UGT1A6: variants seen among roughly 807,000 people sequenced by gnomAD.
The protein encoded by UGT1A6 is UDP glucuronosyltransferase family 1 member A6, also known as UDP-glucuronosyltransferase 1A6.
UGT1A6 carries 32 observed loss-of-function variants against 44.4 expected under a neutral mutation model. That is an observed-to-expected ratio of 0.72 (90% CI 0.54 to 0.97). The LOEUF is 0.97. Ranked by LOEUF, UGT1A6 falls within the 50% of genes least tolerant of loss-of-function variation. The probability of loss-of-function intolerance (pLI) is 0.00; values close to 1 mark genes in which losing one functional copy is unlikely to be tolerated. For missense variants in UGT1A6, 685 were observed against 661.9 expected (o/e 1.03, Z -0.38); for synonymous variants, 238 against 248.5 (o/e 0.96, Z 0.40).
In UGT1A6 at chr2:233,761,002, CAG is replaced by C. The variant is rs797046091; in HGVS notation, c.862-6025_862-6024del. On this transcript the variant is annotated intron_variant, in intron 1 of 4. Coordinates refer to ENST00000305139, the MANE Select transcript of UGT1A6 (RefSeq NM_001072.4). The stretch of plus-strand genomic sequence containing the variant: ...TGCAACCCTTGCCTCAGAATTCCTT[CAG>C]AGAGAGGTGACTGTCCAGGACCTAT... The C allele has an allele frequency of 1.5e-5, 25 of 1,614,060 alleles. No individual in the cohort carries two copies. Among genetic ancestry groups the C allele is most frequent in the Non-Finnish European group, 2.0e-5 (24 of 1,180,054 alleles).
rs1393743923 is a variant in UGT1A6, at chr2:233,745,878, T to C, written c.862-21156T>C. 2.0e-5 allele frequency among the ~76,000 whole-genome samples: 3 copies of C among 150,678 alleles called. 1 individual carries two copies. Among genetic ancestry groups the C allele is most frequent in the African/African-American group, 7.4e-5 (3 of 40,514 alleles). On this transcript the variant is annotated intron_variant, in intron 1 of 4. Transcript: ENST00000305139. ...AAGCTGCTGACCAAGGTTCCAGAAGTGTTGGTGGGGTGGCGTTTTTCAGGG... is the reference window on the plus strand; with the variant it reads ...AAGCTGCTGACCAAGGTTCCAGAAGCGTTGGTGGGGTGGCGTTTTTCAGGG...
intron 1 of UGT1A6, among the ~76,000 whole-genome samples, chr2:233,707,450 C>G (rs191535913): frequency 1.3e-5 from 2 of 151,870 alleles, no homozygotes; most frequent in East Asian, 1.9e-4. Flanking sequence ...ATTTTGCCAC[C>G]TAAATTTGCA....
intron 1 of UGT1A6, among the ~76,000 whole-genome samples, chr2:233,742,394 T>C (rs553013500): frequency 6.6e-6 from 1 of 152,130 alleles, no homozygotes; most frequent in South Asian, 2.1e-4. Flanking sequence ...GCTCATGTTA[T>C]TATTTGTAGT....
At chr2:233,754,114 G>C (rs1442882252) in intron 1 of UGT1A6, among the ~76,000 whole-genome samples, 2 of 152,128 alleles carry the variant, frequency 1.3e-5, no homozygotes, top group Non-Finnish European at 2.9e-5. Flanking sequence ...CCTACATCAC[G>C]AGCATTTATG....
intron 1 of UGT1A6, among the ~76,000 whole-genome samples, chr2:233,710,083 T>C (rs1270176651): frequency 6.6e-6 from 1 of 152,240 alleles, no homozygotes; most frequent in Non-Finnish European, 1.5e-5. Flanking sequence ...TCCTTTCACA[T>C]TGTTGCATGT....
At position 233,764,478 on chromosome 2, in the gene UGT1A6, C is replaced by T. The variant is rs370150887; in HGVS notation, c.862-2556C>T. ...TTCGTGATCTCCTGCTATTTAACTT[C>T]GAATGTTTATGGACCTGTGGGTTCA... On this transcript the variant is annotated intron_variant, in intron 1 of 4. Transcript: ENST00000305139. 3.4e-4 allele frequency among the ~76,000 whole-genome samples: 51 copies of T among 152,200 alleles called. 2 individuals are homozygous for T. Among genetic ancestry groups the T allele is most frequent in the East Asian group, 3.1e-3 (16 of 5,174 alleles).
intron 1 of UGT1A6, among the ~76,000 whole-genome samples, chr2:233,709,556 A>C (rs971239686): frequency 6.6e-6 from 1 of 152,160 alleles, no homozygotes; most frequent in Non-Finnish European, 1.5e-5. Flanking sequence ...AGTACTTATA[A>C]ATTTAAACTT....
At chr2:233,695,911 C>T (rs1009465267) in intron 1 of UGT1A6, among the ~76,000 whole-genome samples, 8 of 151,952 alleles carry the variant, frequency 5.3e-5, no homozygotes, top group African/African-American at 1.9e-4. Flanking sequence ...GGTTTTTTTT[C>T]TCCACACACC....
chr2:233,752,290 C>T (rs1244302370), intron 1 of UGT1A6: 16 of 152,170 alleles, frequency 1.1e-4, no homozygotes, highest in Admixed American at 1.0e-3. Flanking sequence ...CTCACAGGGT[C>T]ATGCCTTTCC....
chr2:233,695,392 G>A (rs1456168296), intron 1 of UGT1A6, among the ~76,000 whole-genome samples: 1 of 151,516 alleles, frequency 6.6e-6, no homozygotes, highest in African/African-American at 2.4e-5. Context: ...CCAAAGTGCT[G>A]GGATTACAGG....
intron 1 of UGT1A6, chr2:233,744,035 C>T (rs367793428): frequency 5.3e-5 from 42 of 799,694 alleles, no homozygotes; most frequent in Admixed American, 1.0e-4. Flanking sequence ...CCCCTTATGA[C>T]GCAGCCACAT....
chr2:233,745,503 T>C (rs1023645979), intron 1 of UGT1A6, among the ~76,000 whole-genome samples: 6 of 151,616 alleles, frequency 4.0e-5, no homozygotes, highest in Admixed American at 6.6e-5. Flanking sequence ...AGATTTCCTA[T>C]AGGGTATTAG....
At chr2:233,747,099 C>T (rs1382470135) in intron 1 of UGT1A6, 1 of 1,328,162 alleles carries the variant, frequency 7.5e-7, no homozygotes, top group African/African-American at 1.5e-5. Context: ...ACTCTATCTT[C>T]CAATTACATG....
intron 1 of UGT1A6, among the ~76,000 whole-genome samples, chr2:233,724,260 C>G (rs1481062069): frequency 7.7e-6 from 1 of 129,912 alleles, no homozygotes; most frequent in African/African-American, 3.0e-5. Flanking sequence ...CCTCACCTCC[C>G]GGACGGGGCG....
chr2:233,726,720 A>G (rs1047156507), intron 1 of UGT1A6, among the ~76,000 whole-genome samples: 16 of 152,220 alleles, frequency 1.1e-4, no homozygotes, highest in African/African-American at 3.4e-4. Context: ...AGGAAGTACA[A>G]TGTAGATACT....
intron 1 of UGT1A6, among the ~76,000 whole-genome samples, chr2:233,716,088 T>C (rs2076485865): frequency 6.6e-6 from 1 of 152,258 alleles, no homozygotes; most frequent in Non-Finnish European, 1.5e-5. Flanking sequence ...TGTAAGCTCA[T>C]TCCTTTAACA....
chr2:233,759,820 G>A (rs554010923), intron 1 of UGT1A6, among the ~76,000 whole-genome samples: 9 of 152,316 alleles, frequency 5.9e-5, no homozygotes, highest in East Asian at 1.9e-4. Context: ...AGTACCGGGG[G>A]AGCTGTGGAG....
At chr2:233,750,527 A>G (rs552056379) in intron 1 of UGT1A6, 33 of 152,112 alleles carry the variant, frequency 2.2e-4, no homozygotes, top group Admixed American at 4.6e-4. Flanking sequence ...ACAATGGGGA[A>G]AATGGCTTCA....
intron 1 of UGT1A6, among the ~76,000 whole-genome samples, chr2:233,744,706 AC>A (rs1231946729): frequency 1.3e-5 from 2 of 151,886 alleles, no homozygotes; most frequent in Non-Finnish European, 2.9e-5. Context: ...TCCACTGTAC[AC>A]TTGTGAGAGA....
Sources: gnomAD v4.1 joint callset for allele counts (sites outside exome capture counted in the v4.1 genomes callset) on GRCh38, gnomAD v4.1.1 for gene constraint, MANE v1.5 for transcripts, NCBI Gene and HGNC (gene_info 2026-07-23, HGNC 2026-07-21) for gene names.